SUPT3H: variants seen among roughly 807,000 people sequenced by gnomAD.
SUPT3H encodes the protein SPT3 homolog, SAGA and STAGA complex component.
Under a neutral mutation model 44.3 loss-of-function variants are expected in SUPT3H, and 44 were observed. The ratio of observed to expected loss-of-function variants is 0.99; its 90% CI spans 0.78 to 1.28. The LOEUF (loss-of-function observed/expected upper bound fraction) is 1.28. SUPT3H is among the 50% of genes most tolerant of loss of function. The pLI is 0.00. For missense variants in SUPT3H, 380 were observed against 387.1 expected, an observed-to-expected ratio of 0.98 and a Z score of 0.15; for synonymous variants, 124 against 125.6, an observed-to-expected ratio of 0.99 and a Z score of 0.09.
At chr6:44,879,618 T>A (rs961608243) in intron 10 of SUPT3H, among the ~76,000 whole-genome samples, 1 of 149,002 alleles carries the variant, frequency 6.7e-6, no homozygotes, top group Admixed American at 6.7e-5. Flanking sequence ...CTGACCCCCA[T>A]GCCTCCTGAC....
intron 2 of SUPT3H, among the ~76,000 whole-genome samples, chr6:45,155,391 G>A (rs950353257): frequency 6.6e-6 from 1 of 152,218 alleles, no homozygotes. Context: ...TTTTATGTGG[G>A]GGAAAGGGAG....
At chr6:45,130,029 T>C (rs1803184124) in intron 2 of SUPT3H, among the ~76,000 whole-genome samples, 2 of 152,206 alleles carry the variant, frequency 1.3e-5, no homozygotes, top group African/African-American at 4.8e-5. Flanking sequence ...CACTGAGATA[T>C]AAACATACCA....
chr6:45,297,584 A>C (rs1781494394), intron 2 of SUPT3H, among the ~76,000 whole-genome samples: 1 of 152,224 alleles, frequency 6.6e-6, no homozygotes, highest in African/African-American at 2.4e-5. Context: ...CATTTATTTT[A>C]AATCTGAGCT....
At chr6:44,905,642 C>T (rs1765910088) in intron 10 of SUPT3H, among the ~76,000 whole-genome samples, 1 of 152,010 alleles carries the variant, frequency 6.6e-6, no homozygotes. Flanking sequence ...ACTAGAAATA[C>T]CATTTGACCC....
chr6:44,865,742 T>A (rs1401212923), intron 10 of SUPT3H, among the ~76,000 whole-genome samples: 4 of 152,060 alleles, frequency 2.6e-5, no homozygotes, highest in African/African-American at 9.7e-5. Context: ...AAGATTTGAG[T>A]GGGGAAACAG....
chr6:45,175,767 A>C (rs1811675843), intron 2 of SUPT3H, among the ~76,000 whole-genome samples: 1 of 152,212 alleles, frequency 6.6e-6, no homozygotes, highest in African/African-American at 2.4e-5. Context: ...GTTTTATGAA[A>C]TCCTATTTAG....
At chr6:45,038,958 A>G (rs771723450) in intron 3 of SUPT3H, among the ~76,000 whole-genome samples, 15 of 152,186 alleles carry the variant, frequency 9.9e-5, no homozygotes, top group Non-Finnish European at 1.9e-4. Flanking sequence ...AGATTTAATC[A>G]TCAGATATTT....
rs559501996 is a variant in SUPT3H at position 45,163,939 on chromosome 6, G to A, written c.102-57933C>T. 7.9e-5 allele frequency among the ~76,000 whole-genome samples: 12 copies of A among 152,158 alleles called. No homozygotes were observed. In the South Asian group the frequency reaches 1.9e-3, roughly 24 times the overall value. ...GTTGATCCTTATTATTTGCAATCCCGTATTTGTGAATCAGCCTACTCACCA... is the reference window on the plus strand; with the variant it reads ...GTTGATCCTTATTATTTGCAATCCCATATTTGTGAATCAGCCTACTCACCA... On this transcript the variant is annotated intron_variant, in intron 2 of 10. Coordinates refer to ENST00000371459, the MANE Select transcript of SUPT3H (RefSeq NM_003599.4).
At chr6:45,227,952 A>T (rs1767241509) in intron 2 of SUPT3H, among the ~76,000 whole-genome samples, 1 of 152,194 alleles carries the variant, frequency 6.6e-6, no homozygotes, top group South Asian at 2.1e-4. Context: ...TATCAAGATA[A>T]TAAGAATGGC....
At chr6:45,262,662 CTAAT>C (rs1774572259) in intron 2 of SUPT3H, among the ~76,000 whole-genome samples, 1 of 152,088 alleles carries the variant, frequency 6.6e-6, no homozygotes, top group Non-Finnish European at 1.5e-5. Flanking sequence ...CAAGTGGAAT[CTAAT>C]TAAACTTCTG....
At chr6:45,332,189 T>C (rs1014938321) in intron 2 of SUPT3H, among the ~76,000 whole-genome samples, 1 of 151,872 alleles carries the variant, frequency 6.6e-6, no homozygotes, top group Non-Finnish European at 1.5e-5. Context: ...AGTTAAGACA[T>C]TCTGTATCAC....
At chr6:44,922,581 A>C (rs1164303065) in intron 10 of SUPT3H, among the ~76,000 whole-genome samples, 1 of 152,194 alleles carries the variant, frequency 6.6e-6, no homozygotes, top group Non-Finnish European at 1.5e-5. Context: ...TGCTTCACTT[A>C]AACAAAACAC....
intron 6 of SUPT3H, among the ~76,000 whole-genome samples, chr6:44,979,788 A>C (rs1377012428): frequency 6.6e-6 from 1 of 152,212 alleles, no homozygotes; most frequent in Non-Finnish European, 1.5e-5. Flanking sequence ...CTATGAGATA[A>C]CCTGGATTTC....
chr6:45,308,142 C>A (rs891315340), intron 2 of SUPT3H, among the ~76,000 whole-genome samples: 2 of 152,160 alleles, frequency 1.3e-5, no homozygotes, highest in Admixed American at 6.5e-5. Context: ...GATTGGTGTA[C>A]CTGAAAGTGA....
At chr6:44,964,116 C>T (rs1341293837) in intron 6 of SUPT3H, among the ~76,000 whole-genome samples, 1 of 152,036 alleles carries the variant, frequency 6.6e-6, no homozygotes, top group Non-Finnish European at 1.5e-5. Context: ...GTCTGTGTCT[C>T]ACTATAGCAG....
intron 2 of SUPT3H, among the ~76,000 whole-genome samples, chr6:45,236,170 G>A (rs1769079951): frequency 6.6e-6 from 1 of 152,136 alleles, no homozygotes; most frequent in Non-Finnish European, 1.5e-5. Flanking sequence ...CTATATTTGT[G>A]CATATGTCTT....
intron 3 of SUPT3H, chr6:45,098,692 C>A (rs1798131696): frequency 2.7e-6 from 1 of 377,282 alleles, no homozygotes; most frequent in Non-Finnish European, 5.2e-6. Flanking sequence ...CATCAGAGGA[C>A]AAGGTTATCC....
At chr6:45,189,725 G>A (rs115143365) in intron 2 of SUPT3H, among the ~76,000 whole-genome samples, 3,315 of 152,270 alleles carry the variant, frequency 0.022, 125 homozygotes, top group African/African-American at 0.075. Context: ...ATTTATTTGT[G>A]AAACAAACTA....
At chr6:45,284,309 G>T (rs572922797) in intron 2 of SUPT3H, among the ~76,000 whole-genome samples, 15 of 151,726 alleles carry the variant, frequency 9.9e-5, no homozygotes, top group African/African-American at 3.1e-4. Flanking sequence ...CCAGGAGCTG[G>T]TTTTTTTTGA....
Sources: allele counts gnomAD v4.1 joint callset (sites outside exome capture counted in the v4.1 genomes callset), GRCh38; gene constraint gnomAD v4.1.1; transcripts MANE v1.5; gene names NCBI Gene and HGNC (gene_info 2026-07-23, HGNC 2026-07-21).